CROCC: variants seen among roughly 807,000 people sequenced by gnomAD.
CROCC encodes rootletin.
Under a neutral mutation model 245.2 loss-of-function variants are expected in CROCC, and 180 were observed. The observed-to-expected ratio is 0.73, with a 90% CI of 0.65 to 0.83. The LOEUF is 0.83. Among genes scored for constraint, CROCC ranks in the 40% least tolerant of loss-of-function variants. The probability of loss-of-function intolerance (pLI) is 0.00; values close to 1 mark genes in which losing one functional copy is unlikely to be tolerated. For synonymous variants in CROCC, 1,205 were observed against 1,241.6 expected, an observed-to-expected ratio of 0.97 and a Z score of 0.62; for missense variants, 2,688 against 2,779.4, an observed-to-expected ratio of 0.97 and a Z score of 0.74.
chr1:16,960,083 A>G (rs1159639108), intron 26 of CROCC, among the ~76,000 whole-genome samples: 2 of 152,156 alleles, frequency 1.3e-5, no homozygotes, highest in African/African-American at 4.8e-5. Context: ...TCTGGCTAAC[A>G]TGGCAAAACT....
chr1:16,969,149 C>T lies in CROCC; in HGVS notation c.5110C>T (p.Gln1704Ter). The T allele has an allele frequency of 6.2e-7, 1 of 1,608,628 alleles. No individual in the cohort carries two copies. The highest frequency in any genetic ancestry group is 8.5e-7 in the Non-Finnish European group (1 of 1,177,956). The change falls in exon 32 of 37, where the codon CAG becomes TAG. Residue 1704 changes from glutamine (Q) to a stop codon, truncating the protein, a stop_gained. Coordinates refer to ENST00000375541, the MANE Select transcript of CROCC (RefSeq NM_014675.5). LOFTEE classifies it high-confidence loss of function. ...CAGCGAGGTGAAGGCAGGGACCCTG[C>T]AGCTGACCGTGGAGCGGCTGAATGG... is the stretch of plus-strand genomic sequence containing the variant. ...ADSEVKAGTL[Q>*]LTVERLNGAL...
At chr1:16,969,057 G>A (rs2076466827) in intron 31 of CROCC, 59 bp from the exon 32 acceptor site, 24 of 1,496,372 alleles carry the variant, frequency 1.6e-5, no homozygotes, top group Non-Finnish European at 2.1e-5. Context: ...CACAGTGGGA[G>A]CAGAGGTATA....
At chr1:16,940,362 T>C (rs1344859964) in intron 13 of CROCC, among the ~76,000 whole-genome samples, 4 of 151,114 alleles carry the variant, frequency 2.6e-5, no homozygotes, top group African/African-American at 9.7e-5. Context: ...TATCTGGGAC[T>C]ACAGGCCCCT....
chr1:16,963,822 G>T (rs1487218076), intron 27 of CROCC, among the ~76,000 whole-genome samples: 4 of 151,422 alleles, frequency 2.6e-5, no homozygotes, highest in African/African-American at 4.9e-5. Context: ...TTGAGCCCAA[G>T]TCTCGCTCTA....
In CROCC at chr1:16,968,419, G is replaced by GT; in HGVS notation, c.5076+2dup. The GT allele has an allele frequency of 1.4e-6, 2 of 1,474,174 alleles. No individual in the cohort carries two copies. The highest frequency in any genetic ancestry group is 2.8e-5 in the African/African-American group (2 of 70,372). The allele number at this position is 1,474,174 out of a possible 1,614,324, so 91.3% of individuals were successfully genotyped here. A position where few individuals can be genotyped will look rare whatever the true frequency, so the allele number is the denominator to read the frequency against. ...TCGGGTGGATTCCCTGCAGAGACAGGTGGGCCCCTCCCCAAATCACAGCCA... is the reference window on the plus strand; with the variant it reads ...TCGGGTGGATTCCCTGCAGAGACAGGTTGGGCCCCTCCCCAAATCACAGCCA... On this transcript the variant is annotated splice_donor_variant, in intron 31 of 36. Transcript: ENST00000375541. LOFTEE classifies it high-confidence loss of function.
At chr1:16,944,567 TTA>T in intron 14 of CROCC, among the ~76,000 whole-genome samples, 1 of 152,414 alleles carries the variant, frequency 6.6e-6, no homozygotes, top group Non-Finnish European at 1.5e-5. Flanking sequence ...TTTTAAAAAT[TTA>T]GTTAGAAGAA....
chr1:16,932,513 C>T (rs965589706), intron 8 of CROCC, among the ~76,000 whole-genome samples: 2 of 152,340 alleles, frequency 1.3e-5, no homozygotes, highest in South Asian at 4.2e-4. Flanking sequence ...GAGGGAATGT[C>T]CTCGAGGCTC....
intron 20 of CROCC, 115 bp downstream of exon 20, chr1:16,951,237 C>A (rs2076154781): frequency 2.0e-6 from 2 of 984,166 alleles, no homozygotes; most frequent in South Asian, 2.4e-5. Context: ...TTGTGGAGGT[C>A]CTGGGGACAG....
Position 16,954,435 on chromosome 1 carries a change from G to C in CROCC, c.3321+78G>C. ...GCTGAGGAGCCCCCACCACGGGGCG[G>C]CATGGCCCTGTCCTGGAGAAGCTTC... On this transcript the variant is annotated intron_variant, in intron 22 of 36. Transcript: ENST00000375541. The surrounding 1 kb of genome is among the most constrained non-coding windows in gnomAD (Gnocchi z 4.4). The C allele has an allele frequency of 3.3e-6, 5 of 1,521,146 alleles. No individual in the cohort carries two copies. The highest frequency in any genetic ancestry group is 4.4e-6 in the Non-Finnish European group (5 of 1,124,128). 94.2% of individuals were successfully genotyped at this position (1,521,146 alleles called of 1,614,324 possible). A position where few individuals can be genotyped will look rare whatever the true frequency, so the allele number is the denominator to read the frequency against.
At chr1:16,949,187 G>T (rs1046745798) in intron 19 of CROCC, among the ~76,000 whole-genome samples, 8 of 152,290 alleles carry the variant, frequency 5.3e-5, no homozygotes, top group Non-Finnish European at 8.8e-5. Flanking sequence ...GGAAAAGCGT[G>T]TAAGGCCGTG....
Position 16,948,343 on chromosome 1 carries a change from C to G in CROCC, c.2527C>G (p.Leu843Val), listed in dbSNP as rs1463722405. The stretch of plus-strand genomic sequence containing the variant: ...GGGTGGGGGCCAGCTCTCCCGGCAG[C>G]TGAGCGGGCGGGAGCAGGAGCTGGA... ...QEQLAQLSRQ[L>V]SGREQELEQA... The change falls in exon 18 of 37, where the codon CTG becomes GTG. Residue 843 changes from leucine (L) to valine (V), a missense_variant. By Grantham distance (32) the Leu-to-Val change is conservative. This residue lies in a region of CROCC where 295 missense variants were observed against 241.7 expected (regional missense o/e 1.22). Transcript: ENST00000375541. 6.4e-7 allele frequency: 1 copy of G among 1,571,308 alleles called. No individual in the cohort carries two copies. Among genetic ancestry groups the G allele is most frequent in the East Asian group, 2.3e-5 (1 of 44,282 alleles).
At chr1:16,934,846 T>C (rs1318784882) in intron 8 of CROCC, among the ~76,000 whole-genome samples, 1 of 151,900 alleles carries the variant, frequency 6.6e-6, no homozygotes, top group East Asian at 1.9e-4. Context: ...CTTCTTCTTT[T>C]TTTTTTTGGC....
At chr1:16,919,352 C>T (rs1457789938), upstream of CROCC, among the ~76,000 whole-genome samples, 1 of 152,244 alleles carries the variant, frequency 6.6e-6, no homozygotes, top group Non-Finnish European at 1.5e-5. Flanking sequence ...TAGGTGAGAG[C>T]CCAATGTCTC....
chr1:16,929,979 A>G lies in CROCC; in HGVS notation c.485A>G (p.Tyr162Cys). 6.3e-7 allele frequency: 1 copy of G among 1,587,926 alleles called. No individual in the cohort carries two copies. The highest frequency in any genetic ancestry group is 8.5e-7 in the Non-Finnish European group (1 of 1,170,544). ...TCCTACCGGCGCAAGCTGCAGGCCT[A>G]CCAGGAGGGCCAGCAGCGGCAGGCC... Reference protein sequence around the residue: ...QASYRRKLQAYQEGQQRQAQL... With the variant: ...QASYRRKLQACQEGQQRQAQL... Residue 162 changes from tyrosine to cysteine, a missense_variant, in exon 4 of 37, where the codon TAC becomes TGC. Transcript: ENST00000375541.
chr1:16,952,996 C>G lies in CROCC; in HGVS notation c.3007-306C>G, dbSNP rs1997864. 85 of 357,772 alleles carry G rather than the reference C, an allele frequency of 2.4e-4. 1 individual carries two copies. Among genetic ancestry groups the G allele is most frequent in the South Asian group, 7.0e-4 (20 of 28,726 alleles). 22.2% of individuals were successfully genotyped at this position (357,772 alleles called of 1,614,324 possible). A position where few individuals can be genotyped will look rare whatever the true frequency, so the allele number is the denominator to read the frequency against. On this transcript the variant is annotated intron_variant, in intron 20 of 36. Coordinates refer to ENST00000375541, the MANE Select transcript of CROCC (RefSeq NM_014675.5). Reference sequence around the variant, plus strand: ...CGTTCCCCTCTGCACCCTGCATCCTCTAGGCCTTTCCAGGGGCTGTGTTCT... The same window carrying G: ...CGTTCCCCTCTGCACCCTGCATCCTGTAGGCCTTTCCAGGGGCTGTGTTCT...
chr1:16,968,358 C>T lies in CROCC; in HGVS notation c.5016C>T (p.Leu1672=), dbSNP rs1570717949. The change falls in exon 31 of 37, where the codon CTC becomes CTT. Residue 1672 remains leucine, a synonymous_variant. Transcript: ENST00000375541. Reference sequence around the variant, plus strand: ...AGCTGCAGCGCAGCCGCCTGGGCCTCAGTGACCGCGAGGCCCAAGCCCAGG... The same window carrying T: ...AGCTGCAGCGCAGCCGCCTGGGCCTTAGTGACCGCGAGGCCCAAGCCCAGG... ...EGELQRSRLG[L]SDREAQAQAL... 3 of 1,540,504 alleles carry T rather than the reference C, an allele frequency of 1.9e-6. No homozygotes were observed. Among genetic ancestry groups the T allele is most frequent in the South Asian group, 1.2e-5 (1 of 83,218 alleles).
At chr1:16,916,183 C>CAAAA (rs58710425) in intron 1 of CROCC, among the ~76,000 whole-genome samples, 2 of 107,976 alleles carry the variant, frequency 1.9e-5, no homozygotes, top group African/African-American at 6.5e-5. Flanking sequence ...GACTCTGCCT[C>CAAAA]AAAAAAAAAG....
At chr1:16,963,995 A>C (rs1433083585) in intron 27 of CROCC, among the ~76,000 whole-genome samples, 2 of 151,710 alleles carry the variant, frequency 1.3e-5, no homozygotes, top group East Asian at 3.9e-4. Context: ...TGGGGGTTTC[A>C]CCATGTTGGC....
At chr1:16,941,576 A>C (rs1251263452) in intron 13 of CROCC, 1 of 152,376 alleles carries the variant, frequency 6.6e-6, no homozygotes, top group African/African-American at 2.4e-5. Flanking sequence ...AAAATACAAA[A>C]AGTAAATTAG....
Sources: gnomAD v4.1 joint callset for allele counts (sites outside exome capture counted in the v4.1 genomes callset) on GRCh38, gnomAD v4.1.1 for gene constraint, gnomAD v4.1.1 regional missense constraint, Gnocchi (gnomAD v3.1) non-coding constraint, MANE v1.5 for transcripts, NCBI Gene and HGNC (gene_info 2026-07-23, HGNC 2026-07-21) for gene names.